The following RANBP17 variants were observed in gnomAD, a reference collection of about 807,000 sequenced individuals.
RANBP17 encodes the protein RAN binding protein 17.
In RANBP17, 158 loss-of-function variants were observed where a neutral mutation model predicts 141.2. The ratio of observed to expected loss-of-function variants is 1.12; its 90% CI spans 0.98 to 1.28. The LOEUF (loss-of-function observed/expected upper bound fraction) is 1.28, where lower values mean the gene tolerates loss of function less well. RANBP17 is among the 50% of genes most tolerant of loss of function. RANBP17 has a pLI of 0.00. For missense variants in RANBP17, 1,438 were observed against 1,290.7 expected, an observed-to-expected ratio of 1.11 and a Z score of -1.75; for synonymous variants, 430 against 450.0, an observed-to-expected ratio of 0.96 and a Z score of 0.56.
At chr5:171,088,992 TC>T (rs2127723458) in intron 14 of RANBP17, among the ~76,000 whole-genome samples, 1 of 152,036 alleles carries the variant, frequency 6.6e-6, no homozygotes, top group African/African-American at 2.4e-5. Context: ...CCAGCTTTGT[TC>T]CGTTGCTGGT....
At chr5:171,100,357 A>G (rs947050861) in intron 14 of RANBP17, among the ~76,000 whole-genome samples, 6 of 152,052 alleles carry the variant, frequency 3.9e-5, no homozygotes, top group African/African-American at 1.4e-4. Context: ...GAATTTATCC[A>G]TTTCTTCTAG....
At chr5:171,251,806 G>T (rs1765583577) in intron 24 of RANBP17, 1 of 1,206,812 alleles carries the variant, frequency 8.3e-7, no homozygotes, top group Non-Finnish European at 1.2e-6. Flanking sequence ...AGATGGTGCT[G>T]GCCGGATGTA....
intron 14 of RANBP17, among the ~76,000 whole-genome samples, chr5:171,095,558 A>G (rs183093825): frequency 6.6e-6 from 1 of 152,348 alleles, no homozygotes; most frequent in East Asian, 1.9e-4. Context: ...TCCATTGTTG[A>G]TGCTGATAAA....
At chr5:170,888,327 A>G (rs1769323367) in intron 3 of RANBP17, among the ~76,000 whole-genome samples, 1 of 152,172 alleles carries the variant, frequency 6.6e-6, no homozygotes, top group South Asian at 2.1e-4. Context: ...GACAGTGTTG[A>G]GTTTCCTGTC....
intron 14 of RANBP17, among the ~76,000 whole-genome samples, chr5:171,111,505 C>T (rs1755228353): frequency 6.6e-6 from 1 of 152,164 alleles, no homozygotes; most frequent in Non-Finnish European, 1.5e-5. Flanking sequence ...TCCCAGACAT[C>T]CTAGACAGAG....
chr5:171,210,617 T>TG (rs1394462063), intron 20 of RANBP17, among the ~76,000 whole-genome samples: 1 of 152,200 alleles, frequency 6.6e-6, no homozygotes, highest in African/African-American at 2.4e-5. Context: ...TTCTCACCTG[T>TG]ACCCCTGTGG....
chr5:170,874,539 A>G (rs1487112262), intron 1 of RANBP17, among the ~76,000 whole-genome samples: 1 of 151,932 alleles, frequency 6.6e-6, no homozygotes, highest in Admixed American at 6.6e-5. Context: ...TATATTTAGG[A>G]TAGCTCATTA....
In RANBP17 at chr5:171,195,305, G is replaced by A. The variant is rs541586857; in HGVS notation, c.2039-4365G>A. On this transcript the variant is annotated intron_variant, in intron 18 of 27. Coordinates refer to ENST00000523189, the MANE Select transcript of RANBP17 (RefSeq NM_022897.5). ...TGAATATGAAGTTGTAAGAAAGTGA[G>A]CTCATGTTTTCTCCTTTTGCACCAG... Among the ~76,000 whole-genome samples the A allele has an allele frequency of 9.2e-5, 14 of 152,236 alleles. No individual in the cohort carries two copies. The South Asian group carries it at 2.9e-3, about 32-fold the overall frequency.
intron 11 of RANBP17, among the ~76,000 whole-genome samples, chr5:170,922,528 A>AC (rs1469670028): frequency 6.6e-6 from 1 of 150,926 alleles, no homozygotes; most frequent in Non-Finnish European, 1.5e-5. Context: ...GCAATGGCGG[A>AC]CCCCCCTTCC....
intron 3 of RANBP17, among the ~76,000 whole-genome samples, chr5:170,882,133 G>A (rs894215859): frequency 6.6e-6 from 1 of 152,022 alleles, no homozygotes; most frequent in African/African-American, 2.4e-5. Flanking sequence ...CACCAGGCTG[G>A]AGTGCAGTGG....
chr5:171,042,662 A>C (rs569313768), intron 14 of RANBP17, among the ~76,000 whole-genome samples: 28 of 152,270 alleles, frequency 1.8e-4, no homozygotes, highest in African/African-American at 6.7e-4. Flanking sequence ...AAAGGTTCTA[A>C]CTAGTGTCCT....
Position 171,028,907 on chromosome 5 carries a change from A to T in RANBP17, c.1710+60530A>T, listed in dbSNP as rs763320069. 8 of 1,288,574 alleles carry T rather than the reference A, an allele frequency of 6.2e-6. No individual in the cohort carries two copies. In the East Asian group the frequency reaches 3.9e-4, roughly 63 times the overall value. The allele number at this position is 1,288,574 out of a possible 1,614,324, so 79.8% of individuals were successfully genotyped here. On this transcript the variant is annotated intron_variant, in intron 14 of 27. Coordinates refer to ENST00000523189, the MANE Select transcript of RANBP17 (RefSeq NM_022897.5). ...TCTTCCTGTGAAGGGCTTGTGGCAA[A>T]CCTATCCAACTCGGGTTTCTTCTTC...
At chr5:170,886,936 T>C (rs886143828) in intron 3 of RANBP17, among the ~76,000 whole-genome samples, 1 of 152,116 alleles carries the variant, frequency 6.6e-6, no homozygotes, top group Non-Finnish European at 1.5e-5. Flanking sequence ...GTGCTGGGAT[T>C]ATAGGTGTGA....
chr5:171,000,576 G>A (rs908426109), intron 14 of RANBP17, among the ~76,000 whole-genome samples: 7 of 152,114 alleles, frequency 4.6e-5, no homozygotes, highest in Non-Finnish European at 8.8e-5. Flanking sequence ...ACACGCATCC[G>A]TGTCATGCGC....
chr5:171,009,897 A>G (rs1462733783), intron 14 of RANBP17, among the ~76,000 whole-genome samples: 3 of 152,166 alleles, frequency 2.0e-5, no homozygotes, highest in Non-Finnish European at 4.4e-5. Flanking sequence ...CTTTATGGAA[A>G]GGAACCAAAC....
rs567788782 is a variant in RANBP17, at chr5:171,092,434, A to G, written c.1711-77696A>G. On this transcript the variant is annotated intron_variant, in intron 14 of 27. Transcript: ENST00000523189. Reference sequence around the variant, plus strand: ...TGTGTTATATTTACTTCCCTAATATATAGTCACCTTTCATAATAGTGTCAG... The same window carrying G: ...TGTGTTATATTTACTTCCCTAATATGTAGTCACCTTTCATAATAGTGTCAG... Among the ~76,000 whole-genome samples, 3 of 152,350 alleles carry G rather than the reference A, an allele frequency of 2.0e-5. No homozygotes were observed. The South Asian group carries it at 6.2e-4, about 32-fold the overall frequency.
intron 25 of RANBP17, among the ~76,000 whole-genome samples, chr5:171,287,490 CAA>C (rs1188089542): frequency 2.8e-4 from 33 of 117,434 alleles, no homozygotes; most frequent in African/African-American, 3.2e-4. Flanking sequence ...AACTCCATCT[CAA>C]AAAAAAAAAA....
intron 12 of RANBP17, among the ~76,000 whole-genome samples, chr5:170,943,570 A>AAC (rs1774510402): frequency 6.6e-6 from 1 of 152,134 alleles, no homozygotes; most frequent in Admixed American, 6.5e-5. Flanking sequence ...AAGCACCCTG[A>AAC]ACATTTCAGG....
chr5:170,942,996 T>C (rs1774452877), intron 12 of RANBP17, among the ~76,000 whole-genome samples: 1 of 152,194 alleles, frequency 6.6e-6, no homozygotes, highest in Non-Finnish European at 1.5e-5. Context: ...TATGCAGTTT[T>C]AGTAAAATAA....
Sources: gnomAD v4.1 joint callset for allele counts (sites outside exome capture counted in the v4.1 genomes callset) on GRCh38, gnomAD v4.1.1 for gene constraint, MANE v1.5 for transcripts, NCBI Gene and HGNC (gene_info 2026-07-23, HGNC 2026-07-21) for gene names.